CA10: variants seen among roughly 807,000 people sequenced by gnomAD.
CA10 encodes the protein carbonic anhydrase-related protein 10.
CA10 carries 14 observed loss-of-function variants against 44.2 expected under a neutral mutation model. The observed-to-expected ratio is 0.32, with a 90% confidence interval of 0.21 to 0.50. The LOEUF (loss-of-function observed/expected upper bound fraction) is 0.50. Among genes scored for constraint, CA10 ranks in the 20% least tolerant of loss-of-function variants. The pLI is 0.99. For synonymous variants in CA10, 159 were observed against 141.6 expected (o/e 1.12, Z -0.87); for missense variants, 350 against 409.7 (o/e 0.85, Z 1.26).
intron 1 of CA10, among the ~76,000 whole-genome samples, chr17:52,150,510 T>C (rs1176264613): frequency 1.3e-5 from 2 of 152,188 alleles, no homozygotes; most frequent in African/African-American, 4.8e-5. Flanking sequence ...AATGATTAAG[T>C]GGACAATGAA....
chr17:51,752,274 C>T (rs1005688711), intron 3 of CA10, among the ~76,000 whole-genome samples: 6 of 150,584 alleles, frequency 4.0e-5, no homozygotes, highest in Non-Finnish European at 7.4e-5. Context: ...CATTTTATCT[C>T]GAATGCTAAT....
intron 2 of CA10, among the ~76,000 whole-genome samples, chr17:52,048,606 G>T (rs1217554743): frequency 2.6e-5 from 4 of 152,014 alleles, no homozygotes; most frequent in Non-Finnish European, 5.9e-5. Flanking sequence ...GGCTTGTGTG[G>T]AATGAGTCAG....
chr17:52,093,136 G>A (rs1036566878), intron 1 of CA10, among the ~76,000 whole-genome samples: 1 of 152,106 alleles, frequency 6.6e-6, no homozygotes, highest in South Asian at 2.1e-4. Context: ...ATGTATATAT[G>A]TGTAGATACA....
At chr17:52,146,888 T>C (rs1429802622) in intron 1 of CA10, among the ~76,000 whole-genome samples, 2 of 152,046 alleles carry the variant, frequency 1.3e-5, no homozygotes, top group East Asian at 3.9e-4. Flanking sequence ...CCATCAACCT[T>C]GTGACTCCCA....
At chr17:52,129,149 T>C (rs1271204463) in intron 1 of CA10, among the ~76,000 whole-genome samples, 1 of 152,222 alleles carries the variant, frequency 6.6e-6, no homozygotes, top group African/African-American at 2.4e-5. Context: ...ATAGTCCATG[T>C]TGCCTTCCTC....
intron 4 of CA10, among the ~76,000 whole-genome samples, chr17:51,717,857 A>G (rs546894448): frequency 2.8e-5 from 3 of 105,284 alleles, no homozygotes; most frequent in African/African-American, 1.2e-4. Flanking sequence ...ATATATATAT[A>G]TATATATATA....
chr17:51,887,317 C>T (rs1242102669), intron 3 of CA10, among the ~76,000 whole-genome samples: 2 of 152,088 alleles, frequency 1.3e-5, no homozygotes, highest in African/African-American at 2.4e-5. Context: ...CTGAGGCAAG[C>T]AGGCCCACAA....
At chr17:51,787,715 C>T (rs906079329) in intron 3 of CA10, among the ~76,000 whole-genome samples, 2 of 152,156 alleles carry the variant, frequency 1.3e-5, no homozygotes, top group African/African-American at 2.4e-5. Context: ...TCAGGCTGGT[C>T]TCGAACTCCT....
intron 4 of CA10, among the ~76,000 whole-genome samples, chr17:51,655,096 A>C (rs1400249358): frequency 6.6e-6 from 1 of 152,196 alleles, no homozygotes; most frequent in Non-Finnish European, 1.5e-5. Flanking sequence ...AATAATTATG[A>C]TTCTGAACTT....
At chr17:51,834,822 A>G (rs1908416657) in intron 3 of CA10, among the ~76,000 whole-genome samples, 1 of 152,182 alleles carries the variant, frequency 6.6e-6, no homozygotes, top group Non-Finnish European at 1.5e-5. Flanking sequence ...AATTAAAGAT[A>G]CTCATTAGTG....
chr17:52,133,346 A>G (rs1290005023), intron 1 of CA10, among the ~76,000 whole-genome samples: 1 of 152,216 alleles, frequency 6.6e-6, no homozygotes, highest in Non-Finnish European at 1.5e-5. Context: ...GACACACAGA[A>G]GGCCTTTAAA....
chr17:51,656,342 A>C (rs1176764599), intron 4 of CA10, among the ~76,000 whole-genome samples: 1 of 152,248 alleles, frequency 6.6e-6, no homozygotes, highest in Non-Finnish European at 1.5e-5. Context: ...TTTGGGAGCC[A>C]GGAACTGTAA....
chr17:52,100,678 T>C (rs761250345), intron 1 of CA10, among the ~76,000 whole-genome samples: 2 of 152,136 alleles, frequency 1.3e-5, no homozygotes, highest in African/African-American at 4.8e-5. Context: ...AATGGTGCCA[T>C]TGACAGCCTT....
intron 2 of CA10, among the ~76,000 whole-genome samples, chr17:52,034,591 G>C (rs898870044): frequency 6.6e-6 from 1 of 152,080 alleles, no homozygotes; most frequent in Non-Finnish European, 1.5e-5. Flanking sequence ...TTTATGGGGA[G>C]ATTAGTAGGG....
chr17:51,927,388 A>G (rs1220192205), intron 3 of CA10, among the ~76,000 whole-genome samples: 2 of 152,092 alleles, frequency 1.3e-5, no homozygotes, highest in African/African-American at 4.8e-5. Context: ...CAGTTTTAAT[A>G]TGTTTTTTCT....
chr17:51,660,129 A>C (rs568561866), intron 4 of CA10, among the ~76,000 whole-genome samples: 4 of 152,188 alleles, frequency 2.6e-5, no homozygotes, highest in Non-Finnish European at 4.4e-5. Flanking sequence ...TCATTCATAG[A>C]TCCAATCATT....
chr17:51,958,979 A>T (rs1178682334), intron 2 of CA10, among the ~76,000 whole-genome samples: 1 of 152,150 alleles, frequency 6.6e-6, no homozygotes, highest in African/African-American at 2.4e-5. Flanking sequence ...AATGAAATGG[A>T]AAGTAGTATC....
intron 2 of CA10, among the ~76,000 whole-genome samples, chr17:51,986,348 ATCAAC>A (rs1427205397): frequency 6.6e-6 from 1 of 152,126 alleles, no homozygotes; most frequent in Non-Finnish European, 1.5e-5. Context: ...TTATACAAAA[ATCAAC>A]TCAAGATGGA....
chr17:51,714,617 A>G (rs1275483063), intron 4 of CA10, among the ~76,000 whole-genome samples: 2 of 152,154 alleles, frequency 1.3e-5, no homozygotes, highest in East Asian at 1.9e-4. Context: ...GGGAGATATG[A>G]CTGAGAAGGC....
Sources: allele counts gnomAD v4.1 joint callset (sites outside exome capture counted in the v4.1 genomes callset), GRCh38; gene constraint gnomAD v4.1.1; transcripts MANE v1.5; gene names NCBI Gene and HGNC (gene_info 2026-07-23, HGNC 2026-07-21).